CSMD1: variants seen among roughly 807,000 people sequenced by gnomAD.
CSMD1 encodes the protein CUB and sushi domain-containing protein 1.
CSMD1 carries 213 observed loss-of-function variants against 417.5 expected under a neutral mutation model. That is an observed-to-expected ratio of 0.51 (90% CI 0.46 to 0.57). The LOEUF (loss-of-function observed/expected upper bound fraction) is 0.57, where lower values mean the gene tolerates loss of function less well. CSMD1 is among the 20% of genes least tolerant of loss of function. CSMD1 has a pLI of 0.00. For missense variants in CSMD1, 6,923 were observed against 4,529.7 expected (o/e 1.53, Z -15.17); for synonymous variants, 2,862 against 1,736.8 (o/e 1.65, Z -16.11).
At chr8:4,424,963 A>G (rs1004350666) in intron 2 of CSMD1, among the ~76,000 whole-genome samples, 2 of 152,122 alleles carry the variant, frequency 1.3e-5, no homozygotes, top group Admixed American at 6.6e-5. Flanking sequence ...AGAACATATT[A>G]AGATTAAAAT....
intron 3 of CSMD1, among the ~76,000 whole-genome samples, chr8:4,046,527 T>A (rs1798156204): frequency 6.6e-6 from 1 of 152,158 alleles, no homozygotes; most frequent in Non-Finnish European, 1.5e-5. Flanking sequence ...GCCTTACACG[T>A]CATGTATTCA....
chr8:3,811,844 A>C (rs1052598221), intron 5 of CSMD1, among the ~76,000 whole-genome samples: 1 of 152,188 alleles, frequency 6.6e-6, no homozygotes, highest in Non-Finnish European at 1.5e-5. Flanking sequence ...CCATTAGCCA[A>C]CACATTTTTG....
chr8:3,246,687 G>C (rs1399277890), intron 26 of CSMD1, among the ~76,000 whole-genome samples: 4 of 152,152 alleles, frequency 2.6e-5, no homozygotes, highest in African/African-American at 9.7e-5. Context: ...GGCCATGCTG[G>C]CCTCGAACTC....
chr8:3,255,709 C>T (rs1014196366), intron 26 of CSMD1, among the ~76,000 whole-genome samples: 2 of 152,158 alleles, frequency 1.3e-5, no homozygotes, highest in African/African-American at 2.4e-5. Flanking sequence ...TTGCTAAGCC[C>T]ATTGGGAAAG....
Position 4,113,615 on chromosome 8 carries a change from A to T in CSMD1, c.416-81516T>A, listed in dbSNP as rs193142568. The stretch of plus-strand genomic sequence containing the variant: ...GAGACAGAGTTTCACTGTGTTAGCC[A>T]GGATGGTCTTGAACTCCTGACCTCC... On this transcript the variant is annotated intron_variant, in intron 3 of 69. Transcript: ENST00000635120. Among the ~76,000 whole-genome samples the T allele has an allele frequency of 2.6e-5, 4 of 152,208 alleles. No homozygotes were observed. In the East Asian group the frequency reaches 7.7e-4, roughly 29 times the overall value.
At chr8:4,483,384 C>A (rs963500103) in intron 2 of CSMD1, among the ~76,000 whole-genome samples, 26 of 152,256 alleles carry the variant, frequency 1.7e-4, no homozygotes, top group African/African-American at 5.8e-4. Flanking sequence ...CTTAATGCTG[C>A]TACATTTTCT....
In CSMD1 at chr8:3,500,701, A is replaced by G. The variant is rs111363649; in HGVS notation, c.1345-6975T>C. ...GTGTTGAATGCTACTAAGAATGTGAATTAGATGAGCTCTAAGATGAGACGT... is the reference window on the plus strand; with the variant it reads ...GTGTTGAATGCTACTAAGAATGTGAGTTAGATGAGCTCTAAGATGAGACGT... On this transcript the variant is annotated intron_variant, in intron 10 of 69. Transcript: ENST00000635120. 8.5e-3 allele frequency among the ~76,000 whole-genome samples: 1,290 copies of G among 152,300 alleles called. 22 individuals carry two copies. Among genetic ancestry groups the G allele is most frequent in the African/African-American group, 0.029 (1,200 of 41,558 alleles).
intron 3 of CSMD1, among the ~76,000 whole-genome samples, chr8:4,392,874 C>T (rs1279798498): frequency 1.3e-5 from 2 of 151,826 alleles, no homozygotes; most frequent in African/African-American, 2.4e-5. Context: ...GAGGCTAAGG[C>T]AGGAGAATTG....
At chr8:4,625,246 C>T (rs1010952259) in intron 2 of CSMD1, among the ~76,000 whole-genome samples, 2 of 151,986 alleles carry the variant, frequency 1.3e-5, no homozygotes, top group African/African-American at 4.8e-5. Flanking sequence ...GCACAAGTCA[C>T]CTGCTTGGAA....
intron 2 of CSMD1, among the ~76,000 whole-genome samples, chr8:4,563,551 C>T (rs574092109): frequency 9.7e-4 from 148 of 152,350 alleles, no homozygotes; most frequent in Non-Finnish European, 1.6e-3. Context: ...CACACATCCT[C>T]ACTCCAACTG....
At chr8:4,095,210 G>C (rs36063413) in intron 3 of CSMD1, among the ~76,000 whole-genome samples, 109 of 152,292 alleles carry the variant, frequency 7.2e-4, no homozygotes, top group South Asian at 1.4e-3. Flanking sequence ...TGGTTACAAC[G>C]TACTGCCTCT....
At chr8:3,391,061 G>C (rs1563339389) in intron 17 of CSMD1, among the ~76,000 whole-genome samples, 1 of 152,168 alleles carries the variant, frequency 6.6e-6, no homozygotes, top group Admixed American at 6.5e-5. Flanking sequence ...GTGCCTGTGA[G>C]TGTTAGCATG....
intron 14 of CSMD1, among the ~76,000 whole-genome samples, chr8:3,407,442 T>C (rs944670988): frequency 2.7e-5 from 4 of 150,394 alleles, no homozygotes; most frequent in Non-Finnish European, 5.9e-5. Flanking sequence ...GATGGAAGGA[T>C]GGATGGAAAG....
rs529851205 is a variant in CSMD1 at position 3,178,417 on chromosome 8, G to A, written c.5725+2693C>T. Among the ~76,000 whole-genome samples the A allele has an allele frequency of 2.6e-5, 4 of 151,912 alleles. No individual in the cohort carries two copies. The East Asian group carries it at 5.8e-4, about 22-fold the overall frequency. ...TCCTTGATTCTCCAGACATTTTTCAGAGAGCACTGACCTTTGGTGTCATTG... is the reference window on the plus strand; with the variant it reads ...TCCTTGATTCTCCAGACATTTTTCAAAGAGCACTGACCTTTGGTGTCATTG... On this transcript the variant is annotated intron_variant, in intron 37 of 69. Coordinates refer to ENST00000635120, the MANE Select transcript of CSMD1 (RefSeq NM_033225.6).
chr8:4,775,500 T>C (rs1254652812), intron 1 of CSMD1, among the ~76,000 whole-genome samples: 1 of 152,212 alleles, frequency 6.6e-6, no homozygotes, highest in Non-Finnish European at 1.5e-5. Context: ...TAAGCAATCA[T>C]TTTCCTTGTA....
At chr8:3,704,228 A>G (rs1237702648) in intron 7 of CSMD1, among the ~76,000 whole-genome samples, 1 of 152,138 alleles carries the variant, frequency 6.6e-6, no homozygotes, top group African/African-American at 2.4e-5. Flanking sequence ...GCAAAAATAG[A>G]GCAGCCTGGG....
intron 3 of CSMD1, among the ~76,000 whole-genome samples, chr8:4,090,164 G>A (rs1299655223): frequency 6.6e-6 from 1 of 152,116 alleles, no homozygotes; most frequent in Admixed American, 6.6e-5. Flanking sequence ...GCTTGATACT[G>A]TTTTGAGTGT....
intron 3 of CSMD1, among the ~76,000 whole-genome samples, chr8:4,395,900 A>G (rs1050034524): frequency 2.0e-5 from 3 of 152,038 alleles, no homozygotes; most frequent in African/African-American, 7.3e-5. Flanking sequence ...AACACATATA[A>G]GTGTAATTGT....
chr8:3,358,865 A>G (rs1446397704), intron 21 of CSMD1, among the ~76,000 whole-genome samples: 2 of 151,338 alleles, frequency 1.3e-5, no homozygotes, highest in Non-Finnish European at 2.9e-5. Context: ...CTCTCCGTAT[A>G]TATATATTTT....
Sources: gnomAD v4.1 joint callset for allele counts (sites outside exome capture counted in the v4.1 genomes callset) on GRCh38, gnomAD v4.1.1 for gene constraint, MANE v1.5 for transcripts, NCBI Gene and HGNC (gene_info 2026-07-23, HGNC 2026-07-21) for gene names.